Variants in NOS1 observed in about 807,000 individuals in gnomAD.
NOS1 encodes NOS type I.
NOS1 carries 51 observed loss-of-function variants against 164.5 expected under a neutral mutation model. The ratio of observed to expected loss-of-function variants is 0.31; its 90% confidence interval spans 0.25 to 0.39. The LOEUF (loss-of-function observed/expected upper bound fraction) is 0.39, where lower values mean the gene tolerates loss of function less well. Ranked by LOEUF, NOS1 falls within the 10% of genes least tolerant of loss-of-function variation. The pLI is 1.00. For missense variants in NOS1, 1,362 were observed against 1,885.6 expected (o/e 0.72, Z 5.14); for synonymous variants, 719 against 745.8 (o/e 0.96, Z 0.59).
At chr12:117,319,591 T>G (rs1325831240) in intron 2 of NOS1, among the ~76,000 whole-genome samples, 1 of 152,186 alleles carries the variant, frequency 6.6e-6, no homozygotes, top group East Asian at 1.9e-4. Flanking sequence ...CTGCCACTGG[T>G]TGCCTCACAA....
intron 19 of NOS1, 32 bp from the exon 20 acceptor site, chr12:117,242,737 A>G: frequency 6.3e-7 from 1 of 1,599,028 alleles, no homozygotes; most frequent in South Asian, 1.1e-5. Flanking sequence ...TCTTCCTGAG[A>G]AGGGGTTGAA....
At chr12:117,238,689 G>A (rs1869921468) in intron 20 of NOS1, among the ~76,000 whole-genome samples, 1 of 151,828 alleles carries the variant, frequency 6.6e-6, no homozygotes, top group South Asian at 2.1e-4. Flanking sequence ...CCTAATTTTT[G>A]TATTTTTAGT....
Position 117,231,953 on chromosome 12 carries a change from G to C in NOS1, c.3405+9C>G. Reference sequence around the variant, plus strand: ...GCCCCCTAGGGTTGTGCGAAGCCTGGGGACCCACCTTGCTGAGGACCAGCA... The same window carrying C: ...GCCCCCTAGGGTTGTGCGAAGCCTGCGGACCCACCTTGCTGAGGACCAGCA... On this transcript the variant is annotated intron_variant, in intron 22 of 28. Transcript: ENST00000317775. The C allele has an allele frequency of 1.2e-6, 2 of 1,609,854 alleles. No homozygotes were observed. The highest frequency in any genetic ancestry group is 1.7e-6 in the Non-Finnish European group (2 of 1,178,408).
chr12:117,260,337 C>T, intron 14 of NOS1, 128 bp downstream of exon 14: 5 of 934,928 alleles, frequency 5.3e-6, no homozygotes, highest in Non-Finnish European at 8.0e-6. Flanking sequence ...TGTATGTGAG[C>T]TGATAGGCCC....
At chr12:117,248,494 A>G (rs1188736635) in intron 17 of NOS1, among the ~76,000 whole-genome samples, 3 of 151,582 alleles carry the variant, frequency 2.0e-5, no homozygotes, top group Middle Eastern at 3.4e-3. Context: ...ATGATTTCCA[A>G]TTTCATCCAT....
intron 27 of NOS1, among the ~76,000 whole-genome samples, chr12:117,218,581 G>A (rs1375104367): frequency 2.6e-5 from 4 of 152,112 alleles, no homozygotes; most frequent in Non-Finnish European, 5.9e-5. Context: ...GAAGAAAGGG[G>A]AGGAAGGAAC....
intron 1 of NOS1, among the ~76,000 whole-genome samples, chr12:117,338,492 T>G (rs1875946914): frequency 6.8e-6 from 1 of 147,836 alleles, no homozygotes. Context: ...AGGGATAGCA[T>G]TAGGAGATAT....
chr12:117,221,172 G>T (rs1956699405), intron 26 of NOS1, among the ~76,000 whole-genome samples: 3 of 125,884 alleles, frequency 2.4e-5, no homozygotes, highest in African/African-American at 3.3e-5. Flanking sequence ...ATTTATTTTT[G>T]AGACAGAGTC....
chr12:117,229,832 G>C (rs1403079084), intron 22 of NOS1, among the ~76,000 whole-genome samples: 1 of 152,144 alleles, frequency 6.6e-6, no homozygotes, highest in Non-Finnish European at 1.5e-5. Flanking sequence ...CAGGTGATCC[G>C]CCTGCCTTGG....
chr12:117,309,431 T>G, intron 3 of NOS1: 1 of 970,420 alleles, frequency 1.0e-6, no homozygotes, highest in Non-Finnish European at 1.2e-6. Context: ...GTAGAGAACT[T>G]TGAGGCCTTG....
intron 5 of NOS1, 82 bp downstream of exon 5, chr12:117,287,992 G>A (rs184817285): frequency 1.3e-6 from 2 of 1,550,656 alleles, no homozygotes; most frequent in African/African-American, 2.7e-5. Context: ...CCTTGGCCTT[G>A]GTTTGCAAAG....
At chr12:117,251,765 T>C (rs1871117891) in intron 17 of NOS1, among the ~76,000 whole-genome samples, 1 of 148,530 alleles carries the variant, frequency 6.7e-6, no homozygotes, top group African/African-American at 2.5e-5. Flanking sequence ...AGGGTTTTGC[T>C]CTATCGTCCA....
At chr12:117,359,335 GC>G (rs1877008420) in intron 1 of NOS1, among the ~76,000 whole-genome samples, 1 of 152,296 alleles carries the variant, frequency 6.6e-6, no homozygotes, top group East Asian at 1.9e-4. Context: ...TGCCACAAGA[GC>G]CCTTTTCCTA....
At chr12:117,223,075 A>G (rs1320007267) in intron 25 of NOS1, among the ~76,000 whole-genome samples, 2 of 152,134 alleles carry the variant, frequency 1.3e-5, no homozygotes, top group Middle Eastern at 3.2e-3. Context: ...ATACATATGC[A>G]CGCACTGAGG....
At position 117,210,381 on chromosome 12, in the gene NOS1, C is replaced by G. The variant is rs930458276; in HGVS notation, c.*4928G>C. 1 of 985,238 alleles carries G rather than the reference C, an allele frequency of 1.0e-6. No homozygotes were observed. Among genetic ancestry groups the G allele is most frequent in the South Asian group, 4.7e-5 (1 of 21,278 alleles). The allele number at this position is 985,238 out of a possible 1,614,324, so 61.0% of individuals were successfully genotyped here. ...TAAAGGAAGACTAGTTAGTGTTTCT[C>G]TCTCCTTGTTGCTTCCTGGCAGTCT... On this transcript the variant is annotated 3_prime_UTR_variant, in exon 29 of 29. Coordinates refer to ENST00000317775, the MANE Select transcript of NOS1 (RefSeq NM_000620.5).
chr12:117,361,599 C>T lies in NOS1; in HGVS notation c.-508G>A, dbSNP rs1172422318. ...GCTCCTCACCCAGCGGCTGGAAACG[C>T]GGCATAAATATGTAGGGACTGAGCC... On this transcript the variant is annotated 5_prime_UTR_variant, in exon 1 of 29. Coordinates refer to ENST00000317775, the MANE Select transcript of NOS1 (RefSeq NM_000620.5). The T allele has an allele frequency of 1.3e-5, 2 of 152,076 alleles. No individual in the cohort carries two copies. The highest frequency in any genetic ancestry group is 6.5e-5 in the Admixed American group (1 of 15,274). The allele number at this position is 152,076 out of a possible 1,614,324, so 9.4% of individuals were successfully genotyped here. A position where few individuals can be genotyped will look rare whatever the true frequency, so the allele number is the denominator to read the frequency against.
At position 117,215,158 on chromosome 12, in the gene NOS1, C is replaced by T; in HGVS notation, c.*151G>A. The T allele has an allele frequency of 7.5e-7, 1 of 1,326,460 alleles. No homozygotes were observed. The highest frequency in any genetic ancestry group is 9.7e-7 in the Non-Finnish European group (1 of 1,028,700). The allele number at this position is 1,326,460 out of a possible 1,614,324, so 82.2% of individuals were successfully genotyped here. ...GTAAACCCAGGAGGGCCGAGGAAAC[C>T]ACTGAGGGGCGAGAAGCCCGAGGAG... On this transcript the variant is annotated 3_prime_UTR_variant, in exon 29 of 29. Coordinates refer to ENST00000317775, the MANE Select transcript of NOS1 (RefSeq NM_000620.5).
chr12:117,213,301 G>A lies in NOS1; in HGVS notation c.*2008C>T, dbSNP rs1278759121. ...AAGCCTTTGGGAGGAAAGCTACTAG[G>A]AGCTGGAAATGGGTTTGCAGGAAAG... On this transcript the variant is annotated 3_prime_UTR_variant, in exon 29 of 29. Coordinates refer to ENST00000317775, the MANE Select transcript of NOS1 (RefSeq NM_000620.5). 2 of 985,402 alleles carry A rather than the reference G, an allele frequency of 2.0e-6. No individual in the cohort carries two copies. The highest frequency in any genetic ancestry group is 2.4e-6 in the Non-Finnish European group (2 of 830,014). The allele number at this position is 985,402 out of a possible 1,614,324, so 61.0% of individuals were successfully genotyped here.
At chr12:117,292,984 G>A (rs1040419779) in intron 3 of NOS1, among the ~76,000 whole-genome samples, 1 of 152,168 alleles carries the variant, frequency 6.6e-6, no homozygotes, top group African/African-American at 2.4e-5. Flanking sequence ...TAACTTCTAG[G>A]TCAAGACCAG....
Sources: gnomAD v4.1 joint callset for allele counts (sites outside exome capture counted in the v4.1 genomes callset) on GRCh38, gnomAD v4.1.1 for gene constraint, MANE v1.5 for transcripts, NCBI Gene and HGNC (gene_info 2026-07-23, HGNC 2026-07-21) for gene names.